PRKCG: variants seen among roughly 807,000 people sequenced by gnomAD.
PRKCG encodes protein kinase C gamma.
PRKCG carries 28 observed loss-of-function variants against 82.0 expected under a neutral mutation model. That is an observed-to-expected ratio of 0.34 (90% confidence interval 0.25 to 0.47). PRKCG has a LOEUF of 0.47. Among genes scored for constraint, PRKCG ranks in the 20% least tolerant of loss-of-function variants. PRKCG has a pLI of 1.00. For missense variants in PRKCG, 640 were observed against 952.7 expected, an observed-to-expected ratio of 0.67 and a Z score of 4.32; for synonymous variants, 383 against 376.6, an observed-to-expected ratio of 1.02 and a Z score of -0.20.
Position 53,906,118 on chromosome 19 carries a change from CTTT to C in PRKCG, c.1765-197_1765-195del, listed in dbSNP as rs1568764129. Among the ~76,000 whole-genome samples, 227 of 82,764 alleles carry C rather than the reference CTTT, an allele frequency of 2.7e-3. 13 individuals are homozygous for C. Among genetic ancestry groups the C allele is most frequent in the African/African-American group, 0.022 (203 of 9,276 alleles). 54.3% of individuals were successfully genotyped at this position (82,764 alleles called of 152,430 possible). The stretch of plus-strand genomic sequence containing the variant: ...TCTTCTTCTTCTTCTTCTTCTTCTT[CTTT>C]TCTTCTCTCTCTCTCTCCTTTCTTT... On this transcript the variant is annotated intron_variant, in intron 16 of 17. Coordinates refer to ENST00000263431, the MANE Select transcript of PRKCG (RefSeq NM_002739.5).
In PRKCG at chr19:53,890,610, C is replaced by T. The variant is rs535739123; in HGVS notation, c.529+593C>T. ...TATGTTTATTTTTTTGAGATGGAGT[C>T]TTGCTCTGTCACCCAGGCTGGAGTG... is the stretch of plus-strand genomic sequence containing the variant. On this transcript the variant is annotated intron_variant, in intron 5 of 17. Transcript: ENST00000263431. 1.3e-4 allele frequency among the ~76,000 whole-genome samples: 19 copies of T among 150,588 alleles called. 1 individual carries two copies. In the South Asian group the frequency reaches 4.0e-3, roughly 32 times the overall value.
Position 53,904,684 on chromosome 19 carries a change from A to G in PRKCG, c.1706A>G (p.Glu569Gly), listed in dbSNP as rs1461447265. ...GAGGAGCTGTTTCAGGCCATCATGG[A>G]ACAAACTGTCACCTACCCCAAGTCG... ...DEEELFQAIM[E>G]QTVTYPKSLS... Residue 569 changes from glutamate (E) to glycine (G), a missense_variant, in exon 16 of 18, where the codon GAA (glutamate) becomes GGA (glycine). Physicochemically the swap from Glu to Gly is moderately conservative, Grantham distance 98 (BLOSUM62 -2). Coordinates refer to ENST00000263431, the MANE Select transcript of PRKCG (RefSeq NM_002739.5). 6 of 1,613,734 alleles carry G rather than the reference A, an allele frequency of 3.7e-6. No homozygotes were observed. The highest frequency in any genetic ancestry group is 5.1e-6 in the Non-Finnish European group (6 of 1,179,948).
chr19:53,882,507 G>A lies in PRKCG; in HGVS notation c.13G>A (p.Gly5Ser). 2 of 1,614,068 alleles carry A rather than the reference G, an allele frequency of 1.2e-6. No homozygotes were observed. The highest frequency in any genetic ancestry group is 1.7e-6 in the Non-Finnish European group (2 of 1,179,950). ...CGTTTCTGGGGCCATGGCTGGTCTG[G>A]GCCCCGGCGTAGGCGATTCAGAGGG... MAGLGPGVGDSEGGP... is the reference protein window; with the variant it reads MAGLSPGVGDSEGGP... Residue 5 changes from glycine (G) to serine (S), a missense_variant, in exon 1 of 18, where the codon GGC (glycine) becomes AGC (serine). This residue lies in a region of PRKCG where 27 missense variants were observed against 23.9 expected (regional missense o/e 1.13). Coordinates refer to ENST00000263431, the MANE Select transcript of PRKCG (RefSeq NM_002739.5). The surrounding 1 kb of genome is among the most constrained non-coding windows in gnomAD (Gnocchi z 6.1).
Position 53,892,619 on chromosome 19 carries a change from T to C in PRKCG, c.797T>C (p.Leu266Pro). ...MGAMSFGVSE[L>P]LKAPVDGWYK... ...GCCATGTCCTTTGGCGTCTCGGAGC[T>C]GCTCAAGGCGCCCGTGGATGGCTGG... The change falls in exon 7 of 18, where the codon CTG becomes CCG. Residue 266 changes from leucine (L) to proline (P), a missense_variant. Around this residue, in one of 7 missense-constraint regions of PRKCG, gnomAD observed 261 missense variants for 312.1 expected, o/e 0.84. Transcript: ENST00000263431. The surrounding 1 kb of genome is among the most constrained non-coding windows in gnomAD (Gnocchi z 5.9). The C allele has an allele frequency of 6.2e-7, 1 of 1,612,724 alleles. No individual in the cohort carries two copies. The highest frequency in any genetic ancestry group is 8.5e-7 in the Non-Finnish European group (1 of 1,179,838).
At chr19:53,904,503 G>A (rs1445421761) in intron 15 of PRKCG, 132 bp from the exon 16 acceptor site, 2 of 732,336 alleles carry the variant, frequency 2.7e-6, no homozygotes, top group Non-Finnish European at 2.4e-6. Flanking sequence ...TCTCTCCTGA[G>A]GGTGTGGTCA....
At chr19:53,881,896 AGTTT>A, upstream of PRKCG, 1 of 165,718 alleles carries the variant, frequency 6.0e-6, no homozygotes, top group South Asian at 1.2e-4. Flanking sequence ...TGGAGCATAA[AGTTT>A]GTTGAAGGAA....
At chr19:53,881,131 C>CAG (rs36156511), upstream of PRKCG, among the ~76,000 whole-genome samples, 120,270 of 148,420 alleles carry the variant, frequency 0.81, 50,541 homozygotes, top group East Asian at 0.99. Flanking sequence ...CCCCTAGCAT[C>CAG]AGAGAGAGAG....
intron 5 of PRKCG, 131 bp downstream of exon 5, chr19:53,890,148 C>G (rs2068662891): frequency 2.0e-6 from 2 of 1,007,928 alleles, no homozygotes; most frequent in Non-Finnish European, 2.9e-6. Context: ...CACGCCCACA[C>G]TCCTGACCCC....
In PRKCG at chr19:53,900,170, G is replaced by C; in HGVS notation, c.1282-63G>C. 6.7e-7 allele frequency: 1 copy of C among 1,488,466 alleles called. No homozygotes were observed. Among genetic ancestry groups the C allele is most frequent in the East Asian group, 2.3e-5 (1 of 44,260 alleles). The allele number at this position is 1,488,466 out of a possible 1,614,324, so 92.2% of individuals were successfully genotyped here. On this transcript the variant is annotated intron_variant, in intron 11 of 17. Coordinates refer to ENST00000263431, the MANE Select transcript of PRKCG (RefSeq NM_002739.5). This position sits in a 1 kb window ranked among gnomAD's most constrained non-coding sequence, Gnocchi z 4.2. ...TTCCACGTCTGTCCTGAGTGATCAG[G>C]AAAGAAATTCTCCTACTCTGGGTAG...
rs955767714 is a variant in PRKCG, at chr19:53,900,754, C to T, written c.1575+5C>T. 3 of 1,614,020 alleles carry T rather than the reference C, an allele frequency of 1.9e-6. No homozygotes were observed. The highest frequency in any genetic ancestry group is 2.5e-6 in the Non-Finnish European group (3 of 1,180,044). ...CCGGACTACATAGCCCCGGAGGTAACCCCAACCCTGCTGCTCTGGTCACGC... is the reference window on the plus strand; with the variant it reads ...CCGGACTACATAGCCCCGGAGGTAATCCCAACCCTGCTGCTCTGGTCACGC... On this transcript the variant is annotated splice_donor_5th_base_variant and intron_variant, in intron 14 of 17. Coordinates refer to ENST00000263431, the MANE Select transcript of PRKCG (RefSeq NM_002739.5). This position sits in a 1 kb window ranked among gnomAD's most constrained non-coding sequence, Gnocchi z 4.2.
At chr19:53,906,035 CCTCCTCCCTCCT>C (rs1306659697) in intron 16 of PRKCG, among the ~76,000 whole-genome samples, 8 of 84,672 alleles carry the variant, frequency 9.4e-5, no homozygotes, top group Non-Finnish European at 1.2e-4. Context: ...CCCTCCTCCT[CCTCCTCCCTCCT>C]CCTCCTCCTC....
intron 3 of PRKCG, among the ~76,000 whole-genome samples, chr19:53,887,985 A>G (rs7246179): frequency 0.055 from 8,432 of 152,146 alleles, 752 homozygotes; most frequent in African/African-American, 0.19. Context: ...TGGGTAGGGG[A>G]TAGAGGCAAG....
intron 5 of PRKCG, among the ~76,000 whole-genome samples, chr19:53,890,655 C>G (rs574336251): frequency 6.6e-6 from 1 of 151,612 alleles, no homozygotes; most frequent in Non-Finnish European, 1.5e-5. Context: ...AATCTTGGCT[C>G]ACTGCAATCT....
chr19:53,885,289 C>T (rs1035713987), intron 3 of PRKCG, among the ~76,000 whole-genome samples: 6 of 152,134 alleles, frequency 3.9e-5, no homozygotes, highest in South Asian at 2.1e-4. Context: ...AGTGCAGTGG[C>T]GCAGTCTCAG....
At chr19:53,898,838 C>T (rs1166260834) in intron 11 of PRKCG, among the ~76,000 whole-genome samples, 2 of 86,724 alleles carry the variant, frequency 2.3e-5, no homozygotes, top group African/African-American at 4.6e-5. Context: ...GGGGGCGTGG[C>T]CAGGCGGAGG....
intron 11 of PRKCG, among the ~76,000 whole-genome samples, chr19:53,899,260 G>C (rs1005588452): frequency 2.6e-5 from 4 of 152,168 alleles, no homozygotes; most frequent in African/African-American, 7.2e-5. Flanking sequence ...TGGGCTCTTG[G>C]GGGGAGTGGC....
intron 3 of PRKCG, among the ~76,000 whole-genome samples, chr19:53,886,694 G>A (rs902780787): frequency 1.3e-5 from 2 of 152,190 alleles, no homozygotes; most frequent in African/African-American, 4.8e-5. Flanking sequence ...TTACAGGCGT[G>A]AGCCACTGCA....
rs371154103 is a variant in PRKCG at position 53,882,617 on chromosome 19, C to G, written c.123C>G (p.Arg41=). Residue 41 remains arginine, a synonymous_variant, in exon 1 of 18, where the codon CGC becomes CGG. Transcript: ENST00000263431. The surrounding 1 kb of genome is among the most constrained non-coding windows in gnomAD (Gnocchi z 6.1). The part of the protein sequence containing the change: ...HEVKSHKFTA[R]FFKQPTFCSH... ...TCAAGAGCCACAAGTTCACCGCTCGCTTCTTCAAGCAGCCCACCTTCTGCA... is the reference window on the plus strand; with the variant it reads ...TCAAGAGCCACAAGTTCACCGCTCGGTTCTTCAAGCAGCCCACCTTCTGCA... The G allele has an allele frequency of 2.5e-6, 4 of 1,613,490 alleles. No homozygotes were observed. The highest frequency in any genetic ancestry group is 3.4e-6 in the Non-Finnish European group (4 of 1,179,934).
upstream of PRKCG, among the ~76,000 whole-genome samples, chr19:53,881,362 G>A (rs1233546058): frequency 5.9e-5 from 9 of 151,712 alleles, no homozygotes; most frequent in Admixed American, 5.9e-4. Context: ...AGACAGAGAC[G>A]GACTCCCAAA....
Sources: allele counts gnomAD v4.1 joint callset (sites outside exome capture counted in the v4.1 genomes callset), GRCh38; gene constraint gnomAD v4.1.1; regional missense constraint gnomAD v4.1.1; non-coding constraint Gnocchi (gnomAD v3.1); transcripts MANE v1.5; gene names NCBI Gene and HGNC (gene_info 2026-07-23, HGNC 2026-07-21).